The following ACO2 variants were observed in gnomAD, a reference collection of about 807,000 sequenced individuals.
ACO2 encodes the protein aconitate hydratase, mitochondrial.
Under a neutral mutation model 84.5 loss-of-function variants are expected in ACO2, and 31 were observed. The observed-to-expected ratio is 0.37, with a 90% CI of 0.28 to 0.50. The LOEUF (loss-of-function observed/expected upper bound fraction) is 0.50. ACO2 is among the 20% of genes least tolerant of loss of function. The pLI, the probability that ACO2 is intolerant of heterozygous loss-of-function variation, is 0.97. For synonymous variants in ACO2, 414 were observed against 412.7 expected, an observed-to-expected ratio of 1.00 and a Z score of -0.04; for missense variants, 685 against 1,029.3, an observed-to-expected ratio of 0.67 and a Z score of 4.58.
At chr22:41,495,071 G>C (rs542453016) in intron 1 of ACO2, among the ~76,000 whole-genome samples, 54 of 152,192 alleles carry the variant, frequency 3.5e-4, no homozygotes, top group Admixed American at 5.9e-4. Context: ...CTGTTGCCCA[G>C]GCTGGAGTGC....
intron 1 of ACO2, among the ~76,000 whole-genome samples, chr22:41,493,887 CCTCT>C (rs1289372398): frequency 6.6e-6 from 1 of 152,202 alleles, no homozygotes; most frequent in Non-Finnish European, 1.5e-5. Context: ...GGCAAAACCT[CCTCT>C]CTACTAAAAG....
chr22:41,511,175 T>C (rs112379667), intron 3 of ACO2, among the ~76,000 whole-genome samples: 5 of 152,196 alleles, frequency 3.3e-5, no homozygotes, highest in African/African-American at 9.6e-5. Context: ...ATTTATTTTA[T>C]TCTTATTTTT....
rs2037913039 is a variant in ACO2 at position 41,469,422 on chromosome 22, G to A, written c.36+240G>A. ...GCAAGAAGCGTGGGCCCAAGCAGCG[G>A]CGGCCGGGTGAAGAGCGGAGGCACC... On this transcript the variant is annotated intron_variant, in intron 1 of 17. Coordinates refer to ENST00000216254, the MANE Select transcript of ACO2 (RefSeq NM_001098.3). 2.3e-5 allele frequency: 11 copies of A among 470,022 alleles called. No individual in the cohort carries two copies. The South Asian group carries it at 3.1e-4, about 13-fold the overall frequency. The allele number at this position is 470,022 out of a possible 1,614,324, so 29.1% of individuals were successfully genotyped here.
At chr22:41,474,836 T>A (rs986873301) in intron 1 of ACO2, among the ~76,000 whole-genome samples, 6 of 151,744 alleles carry the variant, frequency 4.0e-5, no homozygotes, top group African/African-American at 1.5e-4. Flanking sequence ...CCTGACCTCA[T>A]GATCTGCCTG....
intron 13 of ACO2, 25 bp from the exon 14 acceptor site, chr22:41,525,168 C>T: frequency 1.2e-6 from 2 of 1,611,470 alleles, no homozygotes; most frequent in East Asian, 2.2e-5. Flanking sequence ...CTCAGCACCC[C>T]ACGCATCCCC....
chr22:41,487,902 T>C (rs1286196526), intron 1 of ACO2, among the ~76,000 whole-genome samples: 2 of 152,108 alleles, frequency 1.3e-5, no homozygotes, highest in African/African-American at 4.8e-5. Flanking sequence ...AAACCTAAGT[T>C]ATATTCTTGA....
chr22:41,469,736 T>C (rs553954353), intron 1 of ACO2, among the ~76,000 whole-genome samples: 18 of 152,290 alleles, frequency 1.2e-4, no homozygotes, highest in African/African-American at 4.3e-4. Flanking sequence ...GTAAATAATA[T>C]AATAATAGTC....
At position 41,474,667 on chromosome 22, in the gene ACO2, T is replaced by C. The variant is rs187493926; in HGVS notation, c.36+5485T>C. 4.0e-3 allele frequency among the ~76,000 whole-genome samples: 484 copies of C among 120,658 alleles called. 20 individuals carry two copies. The highest frequency in any genetic ancestry group is 0.014 in the African/African-American group (430 of 30,136). The allele number at this position is 120,658 out of a possible 152,430, so 79.2% of individuals were successfully genotyped here. A position where few individuals can be genotyped will look rare whatever the true frequency, so the allele number is the denominator to read the frequency against. On this transcript the variant is annotated intron_variant, in intron 1 of 17. Coordinates refer to ENST00000216254, the MANE Select transcript of ACO2 (RefSeq NM_001098.3). Reference sequence around the variant, plus strand: ...AGGCTGGAGTGCAGTGGCGCGATCTTGGCTCACTGCAAGCTCCGCCTCCCA... The same window carrying C: ...AGGCTGGAGTGCAGTGGCGCGATCTCGGCTCACTGCAAGCTCCGCCTCCCA...
intron 1 of ACO2, among the ~76,000 whole-genome samples, chr22:41,489,082 A>G (rs558356732): frequency 2.0e-4 from 31 of 152,028 alleles, no homozygotes; most frequent in African/African-American, 6.5e-4. Flanking sequence ...TCTGTGGTCC[A>G]GGCTGGAGTG....
chr22:41,500,127 C>T (rs143991282), intron 2 of ACO2, among the ~76,000 whole-genome samples: 3 of 152,118 alleles, frequency 2.0e-5, no homozygotes, highest in Non-Finnish European at 4.4e-5. Flanking sequence ...GGCACTATAA[C>T]CTGAACCTCC....
intron 2 of ACO2, among the ~76,000 whole-genome samples, chr22:41,507,090 G>A (rs1324504358): frequency 6.6e-6 from 1 of 152,052 alleles, no homozygotes; most frequent in African/African-American, 2.4e-5. Context: ...GAGGGGTGGG[G>A]CCTCCGGGGA....
chr22:41,502,631 C>G (rs1190384714), intron 2 of ACO2, among the ~76,000 whole-genome samples: 1 of 152,180 alleles, frequency 6.6e-6, no homozygotes, highest in East Asian at 1.9e-4. Flanking sequence ...CTGTTTTAGA[C>G]TGAGCCTCAC....
At chr22:41,469,815 A>T (rs2037921197) in intron 1 of ACO2, among the ~76,000 whole-genome samples, 1 of 130,868 alleles carries the variant, frequency 7.6e-6, no homozygotes, top group Non-Finnish European at 1.6e-5. Flanking sequence ...CTGTAATCGT[A>T]GGAATGAGGT....
chr22:41,470,873 G>T (rs1040852006), intron 1 of ACO2, among the ~76,000 whole-genome samples: 2 of 152,106 alleles, frequency 1.3e-5, no homozygotes, highest in Non-Finnish European at 2.9e-5. Context: ...CTAGGTTAAT[G>T]ATGTGGAAAT....
chr22:41,476,407 T>TA (rs760179812), intron 1 of ACO2, among the ~76,000 whole-genome samples: 6,470 of 113,582 alleles, frequency 0.057, 435 homozygotes, highest in African/African-American at 0.17. Context: ...AACTCTGTCT[T>TA]AAAAAAAAAA....
intron 2 of ACO2, among the ~76,000 whole-genome samples, chr22:41,503,285 CTT>C (rs1276329885): frequency 6.6e-6 from 1 of 151,066 alleles, no homozygotes; most frequent in African/African-American, 2.4e-5. Flanking sequence ...AGTCCAATAA[CTT>C]TGAACATTTT....
At chr22:41,510,867 C>T (rs866945630) in intron 3 of ACO2, among the ~76,000 whole-genome samples, 4 of 152,192 alleles carry the variant, frequency 2.6e-5, no homozygotes, top group Admixed American at 1.3e-4. Context: ...GTGGTCCCTT[C>T]GACAGCCTTC....
In ACO2 at chr22:41,517,615, C is replaced by A. The variant is rs759769140; in HGVS notation, c.924C>A (p.Ser308Arg). The change falls in exon 7 of 18, where the codon AGC becomes AGA. Residue 308 changes from serine to arginine, a missense_variant. Physicochemically the swap from Ser to Arg is moderately radical, Grantham distance 110. Coordinates refer to ENST00000216254, the MANE Select transcript of ACO2 (RefSeq NM_001098.3). Reference sequence around the variant, plus strand: ...ACCACAGGATGAAGAAGTACCTGAGCAAGACCGGCCGGGAAGGTGAGCTGG... The same window carrying A: ...ACCACAGGATGAAGAAGTACCTGAGAAAGACCGGCCGGGAAGGTGAGCTGG... ...PYNHRMKKYL[S>R]KTGREDIANL... The A allele has an allele frequency of 6.2e-7, 1 of 1,613,998 alleles. No individual in the cohort carries two copies. Among genetic ancestry groups the A allele is most frequent in the Non-Finnish European group, 8.5e-7 (1 of 1,179,978 alleles).
intron 15 of ACO2, chr22:41,526,717 A>G (rs1425093982): frequency 7.0e-6 from 3 of 426,338 alleles, no homozygotes; most frequent in Non-Finnish European, 1.3e-5. Flanking sequence ...AGACAAAGAC[A>G]AGGAAGGGGG....
Sources: allele counts gnomAD v4.1 joint callset (sites outside exome capture counted in the v4.1 genomes callset), GRCh38; gene constraint gnomAD v4.1.1; transcripts MANE v1.5; gene names NCBI Gene and HGNC (gene_info 2026-07-23, HGNC 2026-07-21).